The following MAN1A2 variants were observed in gnomAD, a reference collection of about 807,000 sequenced individuals.
The protein encoded by MAN1A2 is mannosyl-oligosaccharide 1,2-alpha-mannosidase IB.
In MAN1A2, 26 loss-of-function variants were observed where a neutral mutation model predicts 75.7. That is an observed-to-expected ratio of 0.34 (90% CI 0.25 to 0.48). The LOEUF is 0.48. MAN1A2 is among the 20% of genes least tolerant of loss of function. The pLI, the probability that MAN1A2 is intolerant of heterozygous loss-of-function variation, is 0.99. For missense variants in MAN1A2, 562 were observed against 775.5 expected, an observed-to-expected ratio of 0.72 and a Z score of 3.27; for synonymous variants, 247 against 264.6, an observed-to-expected ratio of 0.93 and a Z score of 0.65.
chr1:117,371,263 C>A (rs911950882), intron 1 of MAN1A2, among the ~76,000 whole-genome samples: 9 of 152,154 alleles, frequency 5.9e-5, no homozygotes, highest in African/African-American at 2.2e-4. Context: ...ATCTTATTGT[C>A]TAAAGGAACA....
intron 8 of MAN1A2, among the ~76,000 whole-genome samples, chr1:117,480,107 A>G (rs980183809): frequency 2.6e-5 from 4 of 151,874 alleles, no homozygotes; most frequent in South Asian, 4.2e-4. Flanking sequence ...GGTTCTTTCC[A>G]TTGTCTCAGT....
intron 5 of MAN1A2, among the ~76,000 whole-genome samples, chr1:117,437,326 G>A (rs1648880027): frequency 6.6e-6 from 1 of 152,158 alleles, no homozygotes; most frequent in Non-Finnish European, 1.5e-5. Context: ...AATGACAGCT[G>A]ACAGTGGAGT....
chr1:117,371,332 A>T (rs1314155514), intron 1 of MAN1A2, among the ~76,000 whole-genome samples: 1 of 152,202 alleles, frequency 6.6e-6, no homozygotes, highest in Non-Finnish European at 1.5e-5. Flanking sequence ...CCCCGCTTTC[A>T]TGAAACTTTC....
intron 6 of MAN1A2, among the ~76,000 whole-genome samples, chr1:117,456,636 T>C (rs1649589505): frequency 6.6e-6 from 1 of 152,062 alleles, no homozygotes; most frequent in Non-Finnish European, 1.5e-5. Flanking sequence ...CAAATTCTGC[T>C]TAATTTTAGG....
rs904809389 is a variant in MAN1A2 at position 117,443,884 on chromosome 1, G to A, written c.950+1559G>A. ...CTCAGTGCTGCGATTATAGGTGTGA[G>A]CCACTGCACCTAGCATTATTTACCT... On this transcript the variant is annotated intron_variant, in intron 6 of 12. Transcript: ENST00000356554. Among the ~76,000 whole-genome samples, 3 of 151,674 alleles carry A rather than the reference G, an allele frequency of 2.0e-5. No individual in the cohort carries two copies. The South Asian group carries it at 6.2e-4, about 31-fold the overall frequency.
chr1:117,419,081 A>G (rs1312919303), intron 4 of MAN1A2, among the ~76,000 whole-genome samples: 3 of 152,144 alleles, frequency 2.0e-5, no homozygotes, highest in Non-Finnish European at 4.4e-5. Flanking sequence ...AAGTAGGCCC[A>G]TATAATTAAA....
chr1:117,436,283 A>T (rs1648848178), intron 5 of MAN1A2, among the ~76,000 whole-genome samples: 1 of 152,190 alleles, frequency 6.6e-6, no homozygotes. Context: ...TTAATTAGTA[A>T]AACTTAGAAA....
intron 8 of MAN1A2, among the ~76,000 whole-genome samples, chr1:117,476,143 G>A (rs761432954): frequency 2.0e-5 from 3 of 151,884 alleles, no homozygotes; most frequent in Admixed American, 6.6e-5. Flanking sequence ...TCATATGTTC[G>A]TTGGCTGCAT....
intron 12 of MAN1A2, among the ~76,000 whole-genome samples, chr1:117,512,790 AAC>A (rs999438808): frequency 1.6e-4 from 15 of 91,888 alleles, no homozygotes; most frequent in African/African-American, 6.4e-4. Context: ...CACACGTAGG[AAC>A]ACACAAAGTG....
chr1:117,488,187 C>A (rs963860906), intron 8 of MAN1A2, among the ~76,000 whole-genome samples: 1 of 150,480 alleles, frequency 6.6e-6, no homozygotes, highest in Non-Finnish European at 1.5e-5. Context: ...TAAAGAATAT[C>A]ATTAATCTTA....
chr1:117,368,214 G>A lies in MAN1A2; in HGVS notation c.31G>A (p.Gly11Arg). 1 of 1,613,824 alleles carries A rather than the reference G, an allele frequency of 6.2e-7. No homozygotes were observed. Among genetic ancestry groups the A allele is most frequent in the Non-Finnish European group, 8.5e-7 (1 of 1,179,942 alleles). The change falls in exon 1 of 13, where the codon GGA (glycine) becomes AGA (arginine). Residue 11 changes from glycine (G) to arginine (R), a missense_variant. By Grantham distance (125) the Gly-to-Arg change is moderately radical. Around this residue, in one of 2 missense-constraint regions of MAN1A2, gnomAD observed 128 missense variants for 129.8 expected, o/e 0.99. Transcript: ENST00000356554. ...TACCCCAGCCCTGCTGCCCCTCTCTGGACGTAGGATACCACCTCTGAACCT... is the reference window on the plus strand; with the variant it reads ...TACCCCAGCCCTGCTGCCCCTCTCTAGACGTAGGATACCACCTCTGAACCT... MTTPALLPLS[G>R]RRIPPLNLGP...
intron 7 of MAN1A2, among the ~76,000 whole-genome samples, chr1:117,465,659 C>G (rs183054139): frequency 1.3e-5 from 2 of 152,208 alleles, no homozygotes; most frequent in Admixed American, 1.3e-4. Context: ...GAACATAACA[C>G]CTCCTCCCAC....
intron 12 of MAN1A2, among the ~76,000 whole-genome samples, chr1:117,510,127 T>C (rs1651485780): frequency 6.6e-6 from 1 of 151,970 alleles, no homozygotes; most frequent in Admixed American, 6.6e-5. Flanking sequence ...AACTTGGTTC[T>C]GTTTTTTTGC....
chr1:117,485,657 T>C (rs1650649125), intron 8 of MAN1A2, among the ~76,000 whole-genome samples: 1 of 152,006 alleles, frequency 6.6e-6, no homozygotes, highest in African/African-American at 2.4e-5. Flanking sequence ...ATGTGGAACA[T>C]GGGCTCTACC....
chr1:117,437,021 G>A (rs1648871393), intron 5 of MAN1A2, among the ~76,000 whole-genome samples: 1 of 152,132 alleles, frequency 6.6e-6, no homozygotes, highest in African/African-American at 2.4e-5. Flanking sequence ...GTCTCTTTGT[G>A]TTAACCCTCA....
rs1647927270 is a variant in MAN1A2 at position 117,414,564 on chromosome 1, T to A, written c.656-149T>A. On this transcript the variant is annotated intron_variant, in intron 3 of 12. Coordinates refer to ENST00000356554, the MANE Select transcript of MAN1A2 (RefSeq NM_006699.5). ...GGGAACAATATTGGGTATTCTAAATTTTTAGTCCTTATACTCTTACTTTAG... is the reference window on the plus strand; with the variant it reads ...GGGAACAATATTGGGTATTCTAAATATTTAGTCCTTATACTCTTACTTTAG... 12 of 457,482 alleles carry A rather than the reference T, an allele frequency of 2.6e-5. 2 individuals carry two copies. The South Asian group carries it at 4.7e-4, about 18-fold the overall frequency. The allele number at this position is 457,482 out of a possible 1,614,324, so 28.3% of individuals were successfully genotyped here.
At chr1:117,422,534 T>C (rs1410301694) in intron 5 of MAN1A2, among the ~76,000 whole-genome samples, 3 of 152,090 alleles carry the variant, frequency 2.0e-5, no homozygotes, top group Non-Finnish European at 4.4e-5. Flanking sequence ...TGGAAGAAAC[T>C]GTCAGATTCT....
intron 1 of MAN1A2, among the ~76,000 whole-genome samples, chr1:117,396,991 G>A (rs1161512210): frequency 6.6e-6 from 1 of 151,528 alleles, no homozygotes; most frequent in Non-Finnish European, 1.5e-5. Flanking sequence ...GGGCAGAGAT[G>A]GAACTAAAAT....
intron 12 of MAN1A2, among the ~76,000 whole-genome samples, chr1:117,505,778 G>T (rs1260097030): frequency 6.6e-6 from 1 of 151,118 alleles, no homozygotes; most frequent in South Asian, 2.1e-4. Flanking sequence ...AATTTTTTAT[G>T]TTGCTAAATT....
Sources: gnomAD v4.1 joint callset for allele counts (sites outside exome capture counted in the v4.1 genomes callset) on GRCh38, gnomAD v4.1.1 for gene constraint, gnomAD v4.1.1 regional missense constraint, MANE v1.5 for transcripts, NCBI Gene and HGNC (gene_info 2026-07-23, HGNC 2026-07-21) for gene names.